The following AKAP7 variants were observed in gnomAD, a reference collection of about 807,000 sequenced individuals.
AKAP7 encodes the protein A kinase (PRKA) anchor protein 7.
In AKAP7, 39 loss-of-function variants were observed where a neutral mutation model predicts 39.5. The observed-to-expected ratio is 0.99, with a 90% CI of 0.76 to 1.29. The LOEUF is 1.29. Ranked by LOEUF, AKAP7 falls within the 50% of genes most tolerant of loss-of-function variation. AKAP7 has a pLI of 0.00. For missense variants in AKAP7, 414 were observed against 407.7 expected, an observed-to-expected ratio of 1.02 and a Z score of -0.13; for synonymous variants, 140 against 139.1, an observed-to-expected ratio of 1.01 and a Z score of -0.05.
At chr6:131,199,364 ATAAT>A (rs779296077) in intron 5 of AKAP7, 93 bp from the exon 6 acceptor site, 51 of 803,930 alleles carry the variant, frequency 6.3e-5, no homozygotes, top group Non-Finnish European at 8.7e-5. Flanking sequence ...TCACTGTAAA[ATAAT>A]TAGTGATTGT....
At chr6:131,167,534 A>G (rs1562176725) in intron 4 of AKAP7, among the ~76,000 whole-genome samples, 2 of 152,206 alleles carry the variant, frequency 1.3e-5, no homozygotes, top group East Asian at 3.8e-4. Flanking sequence ...CACACAGTGA[A>G]GGAAAATACT....
intron 5 of AKAP7, among the ~76,000 whole-genome samples, chr6:131,189,328 A>G (rs1468327579): frequency 1.3e-5 from 2 of 152,252 alleles, no homozygotes; most frequent in African/African-American, 2.4e-5. Context: ...TAGTAATATA[A>G]TGAACTTAAT....
chr6:131,174,713 C>T (rs9492854), intron 5 of AKAP7, among the ~76,000 whole-genome samples: 4,054 of 152,316 alleles, frequency 0.027, 183 homozygotes, highest in African/African-American at 0.093. Context: ...TTCTAACTCT[C>T]AGAAGAATAT....
chr6:131,266,050 C>A (rs1021147150), intron 7 of AKAP7, among the ~76,000 whole-genome samples: 2 of 152,200 alleles, frequency 1.3e-5, no homozygotes, highest in African/African-American at 4.8e-5. Flanking sequence ...AAGAACACAG[C>A]CCCTCACCTC....
At chr6:131,132,628 G>A (rs953899325), upstream of AKAP7, among the ~76,000 whole-genome samples, 13 of 152,218 alleles carry the variant, frequency 8.5e-5, no homozygotes, top group African/African-American at 2.9e-4. Flanking sequence ...AAAAGCCTGA[G>A]CCAATTATTT....
chr6:131,224,868 A>G (rs1016966661), intron 7 of AKAP7, among the ~76,000 whole-genome samples: 1 of 149,114 alleles, frequency 6.7e-6, no homozygotes, highest in Admixed American at 6.8e-5. Flanking sequence ...CTCCTGCCTC[A>G]GCCTCCCGAG....
intron 7 of AKAP7, chr6:131,242,172 AGTAATGATTCAG>A: frequency 1.0e-6 from 1 of 984,942 alleles, no homozygotes; most frequent in Non-Finnish European, 1.2e-6. Context: ...CTATTACTAG[AGTAATGATTCAG>A]GTGAGTATTT....
chr6:131,193,623 A>G (rs1450529443), intron 5 of AKAP7, among the ~76,000 whole-genome samples: 1 of 152,096 alleles, frequency 6.6e-6, no homozygotes, highest in Non-Finnish European at 1.5e-5. Flanking sequence ...TAGTTTCAAT[A>G]GGATTGGTAT....
intron 1 of AKAP7, among the ~76,000 whole-genome samples, chr6:131,138,064 A>G (rs1470616524): frequency 2.0e-5 from 3 of 151,422 alleles, no homozygotes. Flanking sequence ...TATTTTTTTC[A>G]TTGTTTCTAT....
In AKAP7 at chr6:131,192,597, T is replaced by A. The variant is rs1181598603; in HGVS notation, c.590-6864T>A. On this transcript the variant is annotated intron_variant, in intron 5 of 7. Transcript: ENST00000431975. Reference sequence around the variant, plus strand: ...TTGTGATTCCATGTGAATTTTAGGATTGTTTTTTCTATTTCTGTGAAGAAT... The same window carrying A: ...TTGTGATTCCATGTGAATTTTAGGAATGTTTTTTCTATTTCTGTGAAGAAT... 3.9e-5 allele frequency among the ~76,000 whole-genome samples: 6 copies of A among 152,200 alleles called. No homozygotes were observed. The East Asian group carries it at 1.2e-3, about 29-fold the overall frequency.
At chr6:131,275,509 G>A (rs1031112693) in intron 7 of AKAP7, among the ~76,000 whole-genome samples, 2 of 152,180 alleles carry the variant, frequency 1.3e-5, no homozygotes, top group Non-Finnish European at 1.5e-5. Context: ...AATTGTATAG[G>A]CAGCAATGAG....
chr6:131,205,326 A>G (rs1265406095), intron 6 of AKAP7, among the ~76,000 whole-genome samples: 2 of 152,096 alleles, frequency 1.3e-5, no homozygotes, highest in Non-Finnish European at 2.9e-5. Context: ...TCTCATTGAC[A>G]TTAAAGATGT....
intron 5 of AKAP7, among the ~76,000 whole-genome samples, chr6:131,169,798 G>A (rs1037899139): frequency 1.3e-5 from 2 of 152,052 alleles, no homozygotes; most frequent in Non-Finnish European, 2.9e-5. Flanking sequence ...CATGCTGTGA[G>A]AAATTTTTAT....
chr6:131,215,217 G>C (rs1379278384), intron 6 of AKAP7, among the ~76,000 whole-genome samples: 1 of 152,172 alleles, frequency 6.6e-6, no homozygotes, highest in African/African-American at 2.4e-5. Context: ...CTGACAGGCA[G>C]TTGGTGGGGT....
chr6:131,258,378 G>T (rs573159184), intron 7 of AKAP7, among the ~76,000 whole-genome samples: 1 of 152,302 alleles, frequency 6.6e-6, no homozygotes, highest in African/African-American at 2.4e-5. Context: ...GATGCTTTCA[G>T]TCTAACAAGC....
chr6:131,185,929 T>C (rs958585618), intron 5 of AKAP7, among the ~76,000 whole-genome samples: 2 of 152,236 alleles, frequency 1.3e-5, no homozygotes, highest in African/African-American at 4.8e-5. Flanking sequence ...TGTTTTTTCT[T>C]AAGAGTCTTA....
intron 1 of AKAP7, among the ~76,000 whole-genome samples, chr6:131,144,015 C>T (rs1265269451): frequency 3.6e-5 from 5 of 137,538 alleles, no homozygotes; most frequent in African/African-American, 8.3e-5. Flanking sequence ...CATCTTGCAC[C>T]GCCCTTAATC....
chr6:131,232,610 C>T (rs781319773), intron 7 of AKAP7, among the ~76,000 whole-genome samples: 1 of 152,226 alleles, frequency 6.6e-6, no homozygotes, highest in Non-Finnish European at 1.5e-5. Flanking sequence ...GAGTTAAAAA[C>T]CAGCCTGGCC....
chr6:131,195,613 C>CTTA (rs932817917), intron 5 of AKAP7, among the ~76,000 whole-genome samples: 5 of 152,244 alleles, frequency 3.3e-5, no homozygotes, highest in African/African-American at 1.2e-4. Flanking sequence ...TTTAGCATTT[C>CTTA]TTATAGAACA....
Sources: allele counts gnomAD v4.1 joint callset (sites outside exome capture counted in the v4.1 genomes callset), GRCh38; gene constraint gnomAD v4.1.1; transcripts MANE v1.5; gene names NCBI Gene and HGNC (gene_info 2026-07-23, HGNC 2026-07-21).